Variants in CHST11 observed in about 807,000 individuals in gnomAD.
The protein encoded by CHST11 is C4S-1.
CHST11 carries 9 observed loss-of-function variants against 30.4 expected under a neutral mutation model. That is an observed-to-expected ratio of 0.30 (90% CI 0.18 to 0.52). The LOEUF (loss-of-function observed/expected upper bound fraction) is 0.52. CHST11 is among the 20% of genes least tolerant of loss of function. The pLI, the probability that CHST11 is intolerant of heterozygous loss-of-function variation, is 0.97. For missense variants in CHST11, 348 were observed against 460.6 expected (o/e 0.76, Z 2.24); for synonymous variants, 152 against 187.8 (o/e 0.81, Z 1.56).
chr12:104,691,046 AC>A (rs1197614445), intron 2 of CHST11, among the ~76,000 whole-genome samples: 1 of 152,208 alleles, frequency 6.6e-6, no homozygotes, highest in Non-Finnish European at 1.5e-5. Context: ...ATAGACTCTT[AC>A]CATCTTCTTT....
At chr12:104,581,826 C>G (rs2136032061) in intron 1 of CHST11, among the ~76,000 whole-genome samples, 1 of 152,332 alleles carries the variant, frequency 6.6e-6, no homozygotes, top group South Asian at 2.1e-4. Context: ...CATTTTGATG[C>G]TGTGGCACTT....
chr12:104,515,026 A>T (rs1294338269), intron 1 of CHST11, among the ~76,000 whole-genome samples: 1 of 152,190 alleles, frequency 6.6e-6, no homozygotes, highest in Non-Finnish European at 1.5e-5. Flanking sequence ...GTGTCGTATT[A>T]TTGGATGAAG....
chr12:104,565,563 G>A (rs2038556810), intron 1 of CHST11, among the ~76,000 whole-genome samples: 1 of 152,032 alleles, frequency 6.6e-6, no homozygotes, highest in African/African-American at 2.4e-5. Context: ...CACTGTGCCT[G>A]GCCTCTAGGA....
At chr12:104,489,238 T>C (rs987500220) in intron 1 of CHST11, among the ~76,000 whole-genome samples, 1 of 151,788 alleles carries the variant, frequency 6.6e-6, no homozygotes, top group African/African-American at 2.4e-5. Flanking sequence ...GGTTTCACCA[T>C]GTTGGCCATG....
At chr12:104,746,279 C>G (rs1336723280) in intron 2 of CHST11, among the ~76,000 whole-genome samples, 1 of 152,212 alleles carries the variant, frequency 6.6e-6, no homozygotes, top group Non-Finnish European at 1.5e-5. Context: ...GTTTGTGACT[C>G]TAACCCAGGT....
At chr12:104,471,538 A>G (rs1257815854) in intron 1 of CHST11, among the ~76,000 whole-genome samples, 1 of 152,212 alleles carries the variant, frequency 6.6e-6, no homozygotes, top group African/African-American at 2.4e-5. Context: ...CCACAAAGGT[A>G]ATTAAATGTG....
intron 2 of CHST11, among the ~76,000 whole-genome samples, chr12:104,617,327 A>C (rs189832851): frequency 6.6e-6 from 1 of 152,256 alleles, no homozygotes; most frequent in East Asian, 1.9e-4. Context: ...ACTTTTCACA[A>C]GAAACAAGGA....
At chr12:104,752,968 C>T (rs1030217370) in intron 2 of CHST11, among the ~76,000 whole-genome samples, 11 of 152,140 alleles carry the variant, frequency 7.2e-5, no homozygotes, top group African/African-American at 2.7e-4. Flanking sequence ...TTGCAAGCAC[C>T]GGGGATATCG....
chr12:104,738,667 C>T (rs2040322085), intron 2 of CHST11, among the ~76,000 whole-genome samples: 1 of 152,188 alleles, frequency 6.6e-6, no homozygotes, highest in African/African-American at 2.4e-5. Flanking sequence ...CTGTTTGGCT[C>T]ATTTTACAGT....
At chr12:104,683,728 A>G (rs1195947985) in intron 2 of CHST11, among the ~76,000 whole-genome samples, 4 of 152,222 alleles carry the variant, frequency 2.6e-5, no homozygotes, top group Non-Finnish European at 5.9e-5. Flanking sequence ...AATTGTATCA[A>G]TTGTTACATC....
At chr12:104,590,179 C>T (rs1033066333) in intron 1 of CHST11, among the ~76,000 whole-genome samples, 1 of 152,140 alleles carries the variant, frequency 6.6e-6, no homozygotes, top group South Asian at 2.1e-4. Context: ...ATGGCCTGCA[C>T]GTGCGCTGTC....
chr12:104,713,185 AAC>A (rs1173988450), intron 2 of CHST11, among the ~76,000 whole-genome samples: 4 of 152,190 alleles, frequency 2.6e-5, no homozygotes, highest in Non-Finnish European at 5.9e-5. Context: ...AGCCTTATCA[AAC>A]ACAGGCCAGG....
Position 104,760,298 on chromosome 12 carries a change from T to C in CHST11, c.*2495T>C, listed in dbSNP as rs1389291074. On this transcript the variant is annotated 3_prime_UTR_variant, in exon 3 of 3. Coordinates refer to ENST00000303694, the MANE Select transcript of CHST11 (RefSeq NM_018413.6). ...AATAGCACCACAGTCTCCATCTGGT[T>C]TATAGCAACAGAGGTACTTTATTTA... 2.0e-5 allele frequency: 3 copies of C among 152,082 alleles called. No homozygotes were observed. The highest frequency in any genetic ancestry group is 7.2e-5 in the African/African-American group (3 of 41,392). 9.4% of individuals were successfully genotyped at this position (152,082 alleles called of 1,614,324 possible).
chr12:104,687,997 A>G (rs1001697404), intron 2 of CHST11, among the ~76,000 whole-genome samples: 5 of 152,146 alleles, frequency 3.3e-5, no homozygotes, highest in Non-Finnish European at 7.3e-5. Context: ...ATTTGGCAAC[A>G]GTGTGGTTGT....
intron 2 of CHST11, among the ~76,000 whole-genome samples, chr12:104,750,149 G>A (rs2040417728): frequency 6.6e-6 from 1 of 151,908 alleles, no homozygotes; most frequent in African/African-American, 2.4e-5. Flanking sequence ...ATATATACAT[G>A]ATGAGCTTTT....
rs1182750741 is a variant in CHST11 at position 104,544,180 on chromosome 12, A to AAGAAAGAAAGAAAGAC, written c.119-57723_119-57722insAAGAAAGAAAGACAGA. The stretch of plus-strand genomic sequence containing the variant: ...AAAGAAAGAAAGAAAGAAAGAAAGA[A>AAGAAAGAAAGAAAGAC]AGACCTGAAAAGAACTAATTAACGC... On this transcript the variant is annotated intron_variant, in intron 1 of 2. Transcript: ENST00000303694. Among the ~76,000 whole-genome samples, 431 of 148,548 alleles carry AAGAAAGAAAGAAAGAC rather than the reference A, an allele frequency of 2.9e-3. 4 individuals carry two copies. The highest frequency in any genetic ancestry group is 0.01 in the African/African-American group (407 of 39,642).
In CHST11 at chr12:104,729,655, A is replaced by G. The variant is rs767301587; in HGVS notation, c.205-27294A>G. Among the ~76,000 whole-genome samples, 8 of 152,214 alleles carry G rather than the reference A, an allele frequency of 5.3e-5. No individual in the cohort carries two copies. Among genetic ancestry groups the G allele is most frequent in the Admixed American group, 1.3e-4 (2 of 15,286 alleles). ...AGGTCTAGCGTATTGTCTTCTCGCA[A>G]CTTGAACCTTGCTGGAGAAGTGAGA... On this transcript the variant is annotated intron_variant, in intron 2 of 2. Transcript: ENST00000303694. The surrounding 1 kb of genome is among the most constrained non-coding windows in gnomAD (Gnocchi z 4.0).
intron 2 of CHST11, among the ~76,000 whole-genome samples, chr12:104,616,938 C>T (rs1444250402): frequency 6.6e-6 from 1 of 152,080 alleles, no homozygotes; most frequent in African/African-American, 2.4e-5. Flanking sequence ...AGGCCCTGAC[C>T]TCTCTTGGAA....
At chr12:104,672,634 C>T (rs2039706817) in intron 2 of CHST11, among the ~76,000 whole-genome samples, 1 of 152,210 alleles carries the variant, frequency 6.6e-6, no homozygotes, top group Non-Finnish European at 1.5e-5. Context: ...GAGGAGTAAC[C>T]TCCCAATGGG....
Sources: allele counts gnomAD v4.1 joint callset (sites outside exome capture counted in the v4.1 genomes callset), GRCh38; gene constraint gnomAD v4.1.1; non-coding constraint Gnocchi (gnomAD v3.1); transcripts MANE v1.5; gene names NCBI Gene and HGNC (gene_info 2026-07-23, HGNC 2026-07-21).